SLC24A2: variants seen among roughly 807,000 people sequenced by gnomAD.
SLC24A2 encodes sodium/potassium/calcium exchanger 2.
A neutral mutation model predicts 62.0 loss-of-function variants in SLC24A2; 36 were observed. That is an observed-to-expected ratio of 0.58 (90% CI 0.44 to 0.77). The LOEUF (loss-of-function observed/expected upper bound fraction) is 0.77. Ranked by LOEUF, SLC24A2 falls within the 30% of genes least tolerant of loss-of-function variation. The probability of loss-of-function intolerance (pLI) is 0.00; values close to 1 mark genes in which losing one functional copy is unlikely to be tolerated. For synonymous variants in SLC24A2, 358 were observed against 294.0 expected (o/e 1.22, Z -2.23); for missense variants, 846 against 817.9 (o/e 1.03, Z -0.42).
chr9:19,541,442 C>A (rs1330522451), intron 8 of SLC24A2, among the ~76,000 whole-genome samples: 2 of 151,960 alleles, frequency 1.3e-5, no homozygotes, highest in African/African-American at 4.8e-5. Flanking sequence ...CCGTCAGCTG[C>A]AGGTCTGTTG....
At chr9:20,174,949 C>T in the SLC24A2 span, among the ~76,000 whole-genome samples, 1 of 151,554 alleles carries the variant, frequency 6.6e-6, no homozygotes, top group African/African-American at 2.4e-5. Flanking sequence ...TGTAATCAAA[C>T]CCAAACGCCC....
At chr9:19,919,272 G>A in the SLC24A2 span, among the ~76,000 whole-genome samples, 20 of 152,112 alleles carry the variant, frequency 1.3e-4, no homozygotes, top group African/African-American at 3.4e-4. Flanking sequence ...CAATCACCAC[G>A]AGTGATTCCA....
chr9:20,210,759 C>T, the SLC24A2 span, among the ~76,000 whole-genome samples: 13 of 148,350 alleles, frequency 8.8e-5, no homozygotes, highest in Non-Finnish European at 1.5e-5. Flanking sequence ...TGGCCTCAGC[C>T]TCCCATAGTG....
the SLC24A2 span, among the ~76,000 whole-genome samples, chr9:19,948,610 C>T: frequency 6.6e-6 from 1 of 152,086 alleles, no homozygotes; most frequent in African/African-American, 2.4e-5. Context: ...GTAATCCCAG[C>T]ACTTTGGGAG....
At chr9:19,785,281 G>C (rs1452776842) in intron 2 of SLC24A2, among the ~76,000 whole-genome samples, 1 of 152,220 alleles carries the variant, frequency 6.6e-6, no homozygotes. Context: ...TTGAAGTCAT[G>C]TTTATTATGG....
the SLC24A2 span, among the ~76,000 whole-genome samples, chr9:19,813,866 T>A: frequency 6.6e-6 from 1 of 152,076 alleles, no homozygotes; most frequent in Non-Finnish European, 1.5e-5. Flanking sequence ...TCTATAAACC[T>A]GGAAATGGGC....
chr9:20,052,404 T>C, the SLC24A2 span, among the ~76,000 whole-genome samples: 2 of 152,218 alleles, frequency 1.3e-5, no homozygotes, highest in Non-Finnish European at 2.9e-5. Flanking sequence ...AACCAGTGTA[T>C]AGAATACAAT....
the SLC24A2 span, among the ~76,000 whole-genome samples, chr9:20,150,238 C>T: frequency 6.6e-6 from 1 of 151,922 alleles, no homozygotes; most frequent in African/African-American, 2.4e-5. Context: ...CCAGCCTGTA[C>T]TAAATGCAAC....
At chr9:19,883,714 C>T in the SLC24A2 span, among the ~76,000 whole-genome samples, 7 of 152,094 alleles carry the variant, frequency 4.6e-5, no homozygotes, top group Admixed American at 2.6e-4. Context: ...TACAGGTGCC[C>T]GCCACCATGC....
intron 2 of SLC24A2, among the ~76,000 whole-genome samples, chr9:19,694,568 G>C (rs1414628444): frequency 6.6e-6 from 1 of 152,176 alleles, no homozygotes; most frequent in African/African-American, 2.4e-5. Flanking sequence ...ACTGTGATTA[G>C]ATTATTAGGT....
chr9:19,660,818 GT>G (rs1247192049), intron 2 of SLC24A2, among the ~76,000 whole-genome samples: 3 of 152,154 alleles, frequency 2.0e-5, no homozygotes, highest in African/African-American at 7.2e-5. Context: ...CACTTTATAG[GT>G]TATCTTATTT....
the SLC24A2 span, among the ~76,000 whole-genome samples, chr9:20,226,235 A>C: frequency 6.6e-6 from 1 of 152,112 alleles, no homozygotes; most frequent in East Asian, 1.9e-4. Context: ...TGCCATAAGA[A>C]AAGGCTTCCC....
At chr9:19,528,231 C>T in intron 8 of SLC24A2, 93 bp from the exon 9 acceptor site, 2 of 836,482 alleles carry the variant, frequency 2.4e-6, no homozygotes, top group Non-Finnish European at 2.0e-6. Flanking sequence ...GTAGCAATTT[C>T]TCTAGCATTT....
the SLC24A2 span, among the ~76,000 whole-genome samples, chr9:19,888,909 G>A: frequency 2.8e-4 from 42 of 152,292 alleles, no homozygotes; most frequent in African/African-American, 9.4e-4. Flanking sequence ...AACCTGGTCT[G>A]TTTCTCCCTG....
the SLC24A2 span, among the ~76,000 whole-genome samples, chr9:20,097,087 A>G: frequency 1.3e-5 from 2 of 152,346 alleles, no homozygotes; most frequent in East Asian, 3.9e-4. Context: ...GCTTACACCT[A>G]TAATAAATAT....
chr9:19,994,776 C>G, the SLC24A2 span, among the ~76,000 whole-genome samples: 2 of 152,166 alleles, frequency 1.3e-5, no homozygotes, highest in Non-Finnish European at 2.9e-5. Flanking sequence ...TCTACAGCAC[C>G]CTGAGCTCCT....
the SLC24A2 span, among the ~76,000 whole-genome samples, chr9:19,808,678 T>G: frequency 6.6e-6 from 1 of 152,174 alleles, no homozygotes; most frequent in South Asian, 2.1e-4. This position sits in a 1 kb window ranked among gnomAD's most constrained non-coding sequence, Gnocchi z 4.1. Context: ...GGGGTTACAG[T>G]CTTTCAGGAT....
chr9:19,518,937 ATAT>A (rs1833062872), intron 10 of SLC24A2, among the ~76,000 whole-genome samples: 1 of 152,242 alleles, frequency 6.6e-6, no homozygotes, highest in African/African-American at 2.4e-5. Flanking sequence ...GATGTTCAAA[ATAT>A]TTAGTTCATT....
At chr9:20,249,083 T>A in the SLC24A2 span, among the ~76,000 whole-genome samples, 9 of 152,212 alleles carry the variant, frequency 5.9e-5, no homozygotes, top group African/African-American at 2.2e-4. Flanking sequence ...CCTGCCTGCC[T>A]ATGAGTCACA....
Sources: gnomAD v4.1 joint callset for allele counts (sites outside exome capture counted in the v4.1 genomes callset) on GRCh38, gnomAD v4.1.1 for gene constraint, Gnocchi (gnomAD v3.1) non-coding constraint, MANE v1.5 for transcripts, NCBI Gene and HGNC (gene_info 2026-07-23, HGNC 2026-07-21) for gene names.